COL19A1: variants seen among roughly 807,000 people sequenced by gnomAD.
COL19A1 encodes collagen type XIX alpha 1 chain, also known as collagen alpha-1(XIX) chain.
Under a neutral mutation model 190.2 loss-of-function variants are expected in COL19A1, and 159 were observed. The observed-to-expected ratio is 0.84, with a 90% CI of 0.73 to 0.95. The LOEUF (loss-of-function observed/expected upper bound fraction) is 0.95. Ranked by LOEUF, COL19A1 falls within the 40% of genes least tolerant of loss-of-function variation. The pLI is 0.00. For missense variants in COL19A1, 1,418 were observed against 1,431.9 expected (o/e 0.99, Z 0.16); for synonymous variants, 509 against 458.9 (o/e 1.11, Z -1.39).
At chr6:69,899,140 G>A (rs1350592491) in intron 3 of COL19A1, 118 bp downstream of exon 3, 15 of 625,260 alleles carry the variant, frequency 2.4e-5, no homozygotes, top group South Asian at 1.2e-4. Context: ...TAGCATTAAC[G>A]TGAAAATTTT....
intron 11 of COL19A1, among the ~76,000 whole-genome samples, chr6:69,971,624 C>T (rs773355230): frequency 6.6e-6 from 1 of 152,152 alleles, no homozygotes; most frequent in Non-Finnish European, 1.5e-5. Flanking sequence ...ACAGAGAATT[C>T]CAAACGTTTT....
chr6:70,149,801 C>G, intron 28 of COL19A1, 50 bp from the exon 29 acceptor site: 1 of 1,613,470 alleles, frequency 6.2e-7, no homozygotes, highest in Non-Finnish European at 8.5e-7. Flanking sequence ...GGGGAAATGA[C>G]TGAAAGACCA....
rs184621843 is a variant in COL19A1, at chr6:70,020,939, A to G, written c.1027-2688A>G. Reference sequence around the variant, plus strand: ...TACCAATAGTAATATTTTCCAGCCTATATTTTTATTCTTTACCTATATTCT... The same window carrying G: ...TACCAATAGTAATATTTTCCAGCCTGTATTTTTATTCTTTACCTATATTCT... On this transcript the variant is annotated intron_variant, in intron 11 of 50. Coordinates refer to ENST00000620364, the MANE Select transcript of COL19A1 (RefSeq NM_001858.6). 2.8e-3 allele frequency among the ~76,000 whole-genome samples: 422 copies of G among 152,234 alleles called. 5 individuals are homozygous for G. In the South Asian group the frequency reaches 0.028, roughly 10 times the overall value.
chr6:70,104,804 C>T (rs1055073819), intron 16 of COL19A1, among the ~76,000 whole-genome samples: 24 of 152,232 alleles, frequency 1.6e-4, no homozygotes, highest in African/African-American at 5.1e-4. Context: ...ATTGTTGTCT[C>T]AAAGGAGGAA....
intron 42 of COL19A1, among the ~76,000 whole-genome samples, chr6:70,178,198 G>A (rs1765935190): frequency 6.6e-6 from 1 of 152,120 alleles, no homozygotes; most frequent in South Asian, 2.1e-4. Flanking sequence ...GACCAACCTG[G>A]GAAACATGGC....
At chr6:70,031,054 C>T (rs1779041490) in intron 12 of COL19A1, among the ~76,000 whole-genome samples, 1 of 152,166 alleles carries the variant, frequency 6.6e-6, no homozygotes, top group Non-Finnish European at 1.5e-5. Context: ...CTTCCCATTG[C>T]ATGTAGAACA....
At chr6:70,162,464 G>C (rs1418679427) in intron 35 of COL19A1, among the ~76,000 whole-genome samples, 2 of 152,050 alleles carry the variant, frequency 1.3e-5, no homozygotes, top group East Asian at 3.9e-4. Flanking sequence ...TGTTTTCCTA[G>C]AACAGAATCT....
intron 34 of COL19A1, among the ~76,000 whole-genome samples, chr6:70,159,545 A>T (rs1460550865): frequency 6.6e-6 from 1 of 152,268 alleles, no homozygotes; most frequent in Non-Finnish European, 1.5e-5. Flanking sequence ...GAATTCTAGC[A>T]TGTTCAAGTA....
intron 15 of COL19A1, among the ~76,000 whole-genome samples, chr6:70,070,893 T>A (rs1232583553): frequency 6.6e-6 from 1 of 152,114 alleles, no homozygotes; most frequent in African/African-American, 2.4e-5. Context: ...GAATTTAAAA[T>A]CATTTTTATT....
At position 69,899,948 on chromosome 6, in the gene COL19A1, C is replaced by G. The variant is rs541332232; in HGVS notation, c.167-291C>G. ...ATGAGAGCTGCTGCAATGAGTTACT[C>G]TAATTTTTACTTAAGATAATTCCTA... On this transcript the variant is annotated intron_variant, in intron 3 of 50. Coordinates refer to ENST00000620364, the MANE Select transcript of COL19A1 (RefSeq NM_001858.6). Among the ~76,000 whole-genome samples, 13 of 152,252 alleles carry G rather than the reference C, an allele frequency of 8.5e-5. 1 individual carries two copies. In the South Asian group the frequency reaches 2.5e-3, roughly 29 times the overall value.
At chr6:69,879,120 G>C (rs916888990) in intron 1 of COL19A1, among the ~76,000 whole-genome samples, 1 of 152,108 alleles carries the variant, frequency 6.6e-6, no homozygotes, top group South Asian at 2.1e-4. Flanking sequence ...TGCAGATGGC[G>C]GGGATGGTTG....
chr6:70,184,774 G>A, intron 45 of COL19A1, 36 bp downstream of exon 45: 1 of 1,601,438 alleles, frequency 6.2e-7, no homozygotes, highest in Non-Finnish European at 8.5e-7. Flanking sequence ...AAGTTATAAT[G>A]CATACTGCAT....
intron 14 of COL19A1, among the ~76,000 whole-genome samples, chr6:70,066,262 T>C (rs1582825401): frequency 1.3e-5 from 2 of 152,186 alleles, no homozygotes; most frequent in South Asian, 2.1e-4. Flanking sequence ...TGGAATACTA[T>C]GCAGCCATAA....
intron 15 of COL19A1, among the ~76,000 whole-genome samples, chr6:70,101,027 A>G (rs1424443066): frequency 6.6e-6 from 1 of 152,196 alleles, no homozygotes; most frequent in Non-Finnish European, 1.5e-5. Context: ...AAATCAGAGG[A>G]ATCAGGCAAC....
chr6:69,944,642 G>A (rs79449321), intron 9 of COL19A1, among the ~76,000 whole-genome samples: 1 of 152,004 alleles, frequency 6.6e-6, no homozygotes, highest in Non-Finnish European at 1.5e-5. Flanking sequence ...TTTGCAAAAA[G>A]CCAGAAGTTT....
At chr6:69,949,501 A>C (rs1360055406) in intron 9 of COL19A1, among the ~76,000 whole-genome samples, 1 of 151,966 alleles carries the variant, frequency 6.6e-6, no homozygotes, top group Non-Finnish European at 1.5e-5. Context: ...ATTATCTAAC[A>C]GTAGGTTAAT....
intron 49 of COL19A1, among the ~76,000 whole-genome samples, chr6:70,204,051 G>C (rs1272722828): frequency 6.6e-6 from 1 of 152,120 alleles, no homozygotes; most frequent in Admixed American, 6.5e-5. Context: ...AGTAGAGATA[G>C]GGTTTCACCA....
At chr6:70,147,967 C>T (rs1019881039) in intron 27 of COL19A1, among the ~76,000 whole-genome samples, 2 of 152,074 alleles carry the variant, frequency 1.3e-5, no homozygotes, top group African/African-American at 2.4e-5. Flanking sequence ...ATATGATAAA[C>T]GATACAGTTG....
intron 4 of COL19A1, among the ~76,000 whole-genome samples, chr6:69,904,670 C>A (rs187396181): frequency 2.0e-5 from 3 of 152,244 alleles, no homozygotes; most frequent in Non-Finnish European, 4.4e-5. Context: ...TGGTGGAGCC[C>A]CCTCCTCCTC....
Sources: gnomAD v4.1 joint callset for allele counts (sites outside exome capture counted in the v4.1 genomes callset) on GRCh38, gnomAD v4.1.1 for gene constraint, MANE v1.5 for transcripts, NCBI Gene and HGNC (gene_info 2026-07-23, HGNC 2026-07-21) for gene names.